Variants in TMC8 observed in about 807,000 individuals in gnomAD.
TMC8 encodes the protein transmembrane channel like 8.
Under a neutral mutation model 76.0 loss-of-function variants are expected in TMC8, and 71 were observed. That is an observed-to-expected ratio of 0.93 (90% CI 0.77 to 1.14). The LOEUF (loss-of-function observed/expected upper bound fraction) is 1.14. TMC8 is among the 50% of genes most tolerant of loss of function. The pLI is 0.00. For synonymous variants in TMC8, 433 were observed against 433.8 expected (o/e 1.00, Z 0.02); for missense variants, 924 against 947.9 (o/e 0.97, Z 0.33).
chr17:78,141,402 G>A lies in TMC8; in HGVS notation c.*290G>A, dbSNP rs1455325868. ...TGCGATTTTTTCTAGAATGTGTTCT[G>A]CTGATTTGTTTTAGAGCCATGAGTG... On this transcript the variant is annotated 3_prime_UTR_variant, in exon 16 of 16. Transcript: ENST00000318430. 6.8e-6 allele frequency: 2 copies of A among 295,190 alleles called. No homozygotes were observed. The highest frequency in any genetic ancestry group is 4.3e-5 in the African/African-American group (2 of 46,392). The allele number at this position is 295,190 out of a possible 1,614,324, so 18.3% of individuals were successfully genotyped here.
rs757679883 is a variant in TMC8, at chr17:78,134,885, CTG to C, written c.1004_1005del (p.Leu335ProfsTer72). ...TTTCCCGCAGGAGTCCCTGTTTCTG[CTG>C]CTCCAGTACCTGCCCCCTGGGGTCA... ...QDNKEESLFL[L>X]LQYLPPGVIA... On this transcript the variant is annotated frameshift_variant, in exon 9 of 16. Transcript: ENST00000318430. LOFTEE classifies it high-confidence loss of function. 1.2e-6 allele frequency: 2 copies of C among 1,614,088 alleles called. No individual in the cohort carries two copies. The highest frequency in any genetic ancestry group is 3.3e-5 in the Admixed American group (2 of 60,026).
chr17:78,141,023 G>A lies in TMC8; in HGVS notation c.2092G>A (p.Ala698Thr), dbSNP rs781413576. Residue 698 changes from alanine to threonine, a missense_variant, in exon 16 of 16, where the codon GCC (alanine) becomes ACC (threonine). Coordinates refer to ENST00000318430, the MANE Select transcript of TMC8 (RefSeq NM_152468.5). ...APRPGPSVVD[A>T]AGLRSPCPGQ... ...GCGGCCGGGCCCCTCCGTCGTGGAT[G>A]CCGCGGGACTGCGTTCCCCTTGCCC... 31 of 1,601,698 alleles carry A rather than the reference G, an allele frequency of 1.9e-5. No homozygotes were observed. The highest frequency in any genetic ancestry group is 2.5e-5 in the Non-Finnish European group (29 of 1,175,602).
In TMC8 at chr17:78,131,598, C is replaced by T. The variant is rs2074967736; in HGVS notation, c.10C>T (p.Pro4Ser). 1 of 1,546,622 alleles carries T rather than the reference C, an allele frequency of 6.5e-7. No individual in the cohort carries two copies. The change falls in exon 2 of 16, where the codon CCG (proline) becomes TCG (serine). Residue 4 changes from proline to serine, a missense_variant. Pro to Ser is a moderately conservative substitution (Grantham distance 74). Coordinates refer to ENST00000318430, the MANE Select transcript of TMC8 (RefSeq NM_152468.5). MLL[P>S]RSVSSERAPG... The stretch of plus-strand genomic sequence containing the variant: ...ACCCGTGCCCGCCGAGATGCTGCTG[C>T]CGCGGTCGGTGTCATCGGAGCGGGC...
rs182436594 is a variant in TMC8, at chr17:78,140,695, T to C, written c.1903-139T>C. ...GGAGGGTGTGGCCTCGAGCGGGGCG[T>C]GGCCTCGGGCGGGGCGTGGCCTCTG... On this transcript the variant is annotated intron_variant, in intron 15 of 15. Coordinates refer to ENST00000318430, the MANE Select transcript of TMC8 (RefSeq NM_152468.5). 8 of 1,187,594 alleles carry C rather than the reference T, an allele frequency of 6.7e-6. No homozygotes were observed. The Admixed American group carries it at 1.4e-4, about 21-fold the overall frequency. The allele number at this position is 1,187,594 out of a possible 1,614,324, so 73.6% of individuals were successfully genotyped here. A position where few individuals can be genotyped will look rare whatever the true frequency, so the allele number is the denominator to read the frequency against.
rs924783644 is a variant in TMC8 at position 78,141,427 on chromosome 17, G to A, written c.*315G>A. 1 of 253,474 alleles carries A rather than the reference G, an allele frequency of 3.9e-6. No homozygotes were observed. Among genetic ancestry groups the A allele is most frequent in the Non-Finnish European group, 7.5e-6 (1 of 133,434 alleles). The allele number at this position is 253,474 out of a possible 1,614,324, so 15.7% of individuals were successfully genotyped here. On this transcript the variant is annotated 3_prime_UTR_variant, in exon 16 of 16. Coordinates refer to ENST00000318430, the MANE Select transcript of TMC8 (RefSeq NM_152468.5). ...GCTGATTTGTTTTAGAGCCATGAGTGCAATTTATACACATACATCTATTGG... is the reference window on the plus strand; with the variant it reads ...GCTGATTTGTTTTAGAGCCATGAGTACAATTTATACACATACATCTATTGG...
At chr17:78,131,793 C>G (rs1284711058) in intron 2 of TMC8, 56 bp downstream of exon 2, 1 of 1,537,518 alleles carries the variant, frequency 6.5e-7, no homozygotes, top group South Asian at 1.2e-5. Flanking sequence ...GAGGCTGCCC[C>G]GTCGGATGGT....
chr17:78,139,620 T>C (rs909073180), intron 15 of TMC8, among the ~76,000 whole-genome samples: 2 of 150,954 alleles, frequency 1.3e-5, no homozygotes, highest in Non-Finnish European at 2.9e-5. Context: ...CCGGGCGTGG[T>C]GACTCACGCC....
In TMC8 at chr17:78,131,632, T is replaced by A. The variant is rs1343244600; in HGVS notation, c.44T>A (p.Val15Glu). The change falls in exon 2 of 16, where the codon GTG (valine) becomes GAG (glutamate). Residue 15 changes from valine (V) to glutamate (E), a missense_variant. Val to Glu is a moderately radical substitution (Grantham distance 121). Coordinates refer to ENST00000318430, the MANE Select transcript of TMC8 (RefSeq NM_152468.5). Reference protein sequence around the residue: ...RSVSSERAPGVPEPEELWEAE... With the variant: ...RSVSSERAPGEPEPEELWEAE... ...GTGTCATCGGAGCGGGCCCCTGGGG[T>A]GCCGGAGCCGGAGGAGCTGTGGGAG... 6 of 1,553,724 alleles carry A rather than the reference T, an allele frequency of 3.9e-6. No homozygotes were observed. The highest frequency in any genetic ancestry group is 5.2e-6 in the Non-Finnish European group (6 of 1,150,046).
In TMC8 at chr17:78,141,220, C is replaced by A; in HGVS notation, c.*108C>A. 1 of 505,976 alleles carries A rather than the reference C, an allele frequency of 2.0e-6. No homozygotes were observed. Among genetic ancestry groups the A allele is most frequent in the Non-Finnish European group, 3.3e-6 (1 of 301,180 alleles). 31.3% of individuals were successfully genotyped at this position (505,976 alleles called of 1,614,324 possible). Reference sequence around the variant, plus strand: ...CCCCTCTCAGTGGCTCCAGGGCCTCCCTCAGAGGTCCCCAAAGATGGACAC... The same window carrying A: ...CCCCTCTCAGTGGCTCCAGGGCCTCACTCAGAGGTCCCCAAAGATGGACAC... On this transcript the variant is annotated 3_prime_UTR_variant, in exon 16 of 16. Coordinates refer to ENST00000318430, the MANE Select transcript of TMC8 (RefSeq NM_152468.5).
Position 78,131,875 on chromosome 17 carries a change from C to G in TMC8, c.150-7C>G. ...TCAGGGGCGCCCCTGTCACCACCCC[C>G]GTCCAGGCAGCTGCGGGAGCCCGCG... On this transcript the variant is annotated splice_polypyrimidine_tract_variant and splice_region_variant and intron_variant, in intron 2 of 15. Transcript: ENST00000318430. The G allele has an allele frequency of 6.9e-7, 1 of 1,457,788 alleles. No individual in the cohort carries two copies. Among genetic ancestry groups the G allele is most frequent in the Non-Finnish European group, 9.0e-7 (1 of 1,111,256 alleles). 90.3% of individuals were successfully genotyped at this position (1,457,788 alleles called of 1,614,324 possible).
intron 15 of TMC8, 145 bp downstream of exon 15, chr17:78,139,385 G>A: frequency 1.0e-5 from 9 of 858,342 alleles, no homozygotes; most frequent in Non-Finnish European, 1.7e-5. Flanking sequence ...AGTGAAGACG[G>A]GGAAGGGGAG....
In TMC8 at chr17:78,142,910, G is replaced by C. The variant is rs959846252; in HGVS notation, c.*1798G>C. 3 of 151,422 alleles carry C rather than the reference G, an allele frequency of 2.0e-5. No homozygotes were observed. Among genetic ancestry groups the C allele is most frequent in the Non-Finnish European group, 4.4e-5 (3 of 67,958 alleles). The allele number at this position is 151,422 out of a possible 1,614,324, so 9.4% of individuals were successfully genotyped here. A position where few individuals can be genotyped will look rare whatever the true frequency, so the allele number is the denominator to read the frequency against. ...GGGCCTCGGTGTGCTCACCCAGGGC[G>C]AGACAAAGACGCCATGCTCCTCCAA... is the stretch of plus-strand genomic sequence containing the variant. On this transcript the variant is annotated 3_prime_UTR_variant, in exon 16 of 16. Transcript: ENST00000318430.
chr17:78,133,365 T>TG, intron 5 of TMC8, 41 bp from the exon 6 acceptor site: 1 of 1,613,372 alleles, frequency 6.2e-7, no homozygotes, highest in East Asian at 2.2e-5. Flanking sequence ...GAGCAGAGCC[T>TG]GGTGCTCACC....
chr17:78,131,465 A>G lies in TMC8; in HGVS notation c.-124A>G. 1 of 1,378,872 alleles carries G rather than the reference A, an allele frequency of 7.3e-7. No homozygotes were observed. The highest frequency in any genetic ancestry group is 9.9e-7 in the Non-Finnish European group (1 of 1,007,986). The allele number at this position is 1,378,872 out of a possible 1,614,324, so 85.4% of individuals were successfully genotyped here. A position where few individuals can be genotyped will look rare whatever the true frequency, so the allele number is the denominator to read the frequency against. On this transcript the variant is annotated 5_prime_UTR_variant, in exon 2 of 16. Coordinates refer to ENST00000318430, the MANE Select transcript of TMC8 (RefSeq NM_152468.5). Reference sequence around the variant, plus strand: ...CCGACGCCGGCGCAGAGGGGACGGAAGGGCCCGCCCCCAGCCCAGCGTGCA... The same window carrying G: ...CCGACGCCGGCGCAGAGGGGACGGAGGGGCCCGCCCCCAGCCCAGCGTGCA...
At chr17:78,140,614 C>T (rs2075350105) in intron 15 of TMC8, among the ~76,000 whole-genome samples, 2 of 148,398 alleles carry the variant, frequency 1.3e-5, no homozygotes, top group African/African-American at 5.0e-5. Flanking sequence ...GACGGGACTC[C>T]TGAGGGCGTG....
intron 15 of TMC8, 131 bp downstream of exon 15, chr17:78,139,371 TGA>T: frequency 1.0e-6 from 1 of 994,078 alleles, no homozygotes; most frequent in Non-Finnish European, 1.5e-6. Flanking sequence ...GGCCTCAGGC[TGA>T]GAGTGAAGAC....
Position 78,141,289 on chromosome 17 carries a change from C to G in TMC8, c.*177C>G, listed in dbSNP as rs188493718. 1,955 of 411,958 alleles carry G rather than the reference C, an allele frequency of 4.7e-3. 5 individuals carry two copies. The highest frequency in any genetic ancestry group is 5.6e-3 in the Non-Finnish European group (1,314 of 233,580). The allele number at this position is 411,958 out of a possible 1,614,324, so 25.5% of individuals were successfully genotyped here. A position where few individuals can be genotyped will look rare whatever the true frequency, so the allele number is the denominator to read the frequency against. On this transcript the variant is annotated 3_prime_UTR_variant, in exon 16 of 16. Coordinates refer to ENST00000318430, the MANE Select transcript of TMC8 (RefSeq NM_152468.5). ...GGAAAAACATATGGGAATTTTCTTTCTATATTTTAATCTCATCCCTTTAAA... is the reference window on the plus strand; with the variant it reads ...GGAAAAACATATGGGAATTTTCTTTGTATATTTTAATCTCATCCCTTTAAA...
At chr17:78,131,857 C>A in intron 2 of TMC8, 25 bp from the exon 3 acceptor site, 1 of 1,466,468 alleles carries the variant, frequency 6.8e-7, no homozygotes, top group Non-Finnish European at 9.0e-7. Flanking sequence ...GACTCAGGGG[C>A]GCCCCTGTCA....
rs2075368630 is a variant in TMC8 at position 78,141,285 on chromosome 17, CT to C, written c.*176del. 5 of 412,108 alleles carry C rather than the reference CT, an allele frequency of 1.2e-5. No individual in the cohort carries two copies. Among genetic ancestry groups the C allele is most frequent in the Non-Finnish European group, 2.1e-5 (5 of 233,716 alleles). The allele number at this position is 412,108 out of a possible 1,614,324, so 25.5% of individuals were successfully genotyped here. ...AGCAGGAAAAACATATGGGAATTTTCTTTCTATATTTTAATCTCATCCCTTT... is the reference window on the plus strand; with the variant it reads ...AGCAGGAAAAACATATGGGAATTTTCTTCTATATTTTAATCTCATCCCTTT... On this transcript the variant is annotated 3_prime_UTR_variant, in exon 16 of 16. Coordinates refer to ENST00000318430, the MANE Select transcript of TMC8 (RefSeq NM_152468.5).
Sources: gnomAD v4.1 joint callset for allele counts (sites outside exome capture counted in the v4.1 genomes callset) on GRCh38, gnomAD v4.1.1 for gene constraint, MANE v1.5 for transcripts, NCBI Gene and HGNC (gene_info 2026-07-23, HGNC 2026-07-21) for gene names.